The following ZMYM4 variants were observed in gnomAD, a reference collection of about 807,000 sequenced individuals.
ZMYM4 encodes the protein zinc finger MYM-type containing 4.
In ZMYM4, 31 loss-of-function variants were observed where a neutral mutation model predicts 183.2. That is an observed-to-expected ratio of 0.17 (90% CI 0.13 to 0.23). ZMYM4 has a LOEUF of 0.23. ZMYM4 is among the 10% of genes least tolerant of loss of function. ZMYM4 has a pLI of 1.00. For missense variants in ZMYM4, 1,273 were observed against 1,840.3 expected, an observed-to-expected ratio of 0.69 and a Z score of 5.64; for synonymous variants, 592 against 631.2, an observed-to-expected ratio of 0.94 and a Z score of 0.93.
chr1:35,351,154 T>C, intron 2 of ZMYM4: 1 of 1,177,772 alleles, frequency 8.5e-7, no homozygotes, highest in Non-Finnish European at 1.3e-6. Context: ...ACCTGCTATT[T>C]GGATGCAGAC....
At chr1:35,374,280 C>A (rs1208459608) in intron 7 of ZMYM4, among the ~76,000 whole-genome samples, 1 of 151,738 alleles carries the variant, frequency 6.6e-6, no homozygotes, top group South Asian at 2.1e-4. Context: ...ATGACCCACC[C>A]GCCTTGGCCT....
At chr1:35,383,953 A>G (rs1159759711) in intron 9 of ZMYM4, among the ~76,000 whole-genome samples, 1 of 149,736 alleles carries the variant, frequency 6.7e-6, no homozygotes, top group Non-Finnish European at 1.5e-5. Context: ...TTAGGATTAT[A>G]GAAAGTAAGA....
In ZMYM4 at chr1:35,314,268, C is replaced by T. The variant is rs190312416; in HGVS notation, c.40-11092C>T. Among the ~76,000 whole-genome samples, 5 of 151,770 alleles carry T rather than the reference C, an allele frequency of 3.3e-5. No individual in the cohort carries two copies. The East Asian group carries it at 9.7e-4, about 29-fold the overall frequency. ...AAAAACTATAGTTTATTTTTCTTTT[C>T]CCTCAAAAAAAAAATAGTTTACTCT... On this transcript the variant is annotated intron_variant, in intron 1 of 29. Transcript: ENST00000314607.
At chr1:35,382,169 TATATACACAC>T (rs947959350) in intron 9 of ZMYM4, among the ~76,000 whole-genome samples, 1 of 132,202 alleles carries the variant, frequency 7.6e-6, no homozygotes, top group African/African-American at 3.3e-5. Context: ...CAAAAATGTA[TATATACACAC>T]ATACACACAC....
chr1:35,405,360 C>G lies in ZMYM4; in HGVS notation c.3701-13C>G, dbSNP rs1273922590. 1.9e-6 allele frequency: 3 copies of G among 1,594,828 alleles called. No homozygotes were observed. The highest frequency in any genetic ancestry group is 2.6e-6 in the Non-Finnish European group (3 of 1,175,164). Reference sequence around the variant, plus strand: ...TTATTTAAACTTTTCTTTTATGTTTCTCTCCTTGTCAGGGGTTGAACAGGC... The same window carrying G: ...TTATTTAAACTTTTCTTTTATGTTTGTCTCCTTGTCAGGGGTTGAACAGGC... On this transcript the variant is annotated splice_polypyrimidine_tract_variant and intron_variant, in intron 24 of 29. Coordinates refer to ENST00000314607, the MANE Select transcript of ZMYM4 (RefSeq NM_005095.3).
chr1:35,280,478 C>T (rs1440099293), intron 1 of ZMYM4, among the ~76,000 whole-genome samples: 1 of 152,170 alleles, frequency 6.6e-6, no homozygotes, highest in East Asian at 1.9e-4. Flanking sequence ...ACTCCACTTC[C>T]ATGTACTAAA....
At chr1:35,307,155 T>A (rs545602265) in intron 1 of ZMYM4, among the ~76,000 whole-genome samples, 1 of 152,326 alleles carries the variant, frequency 6.6e-6, no homozygotes, top group East Asian at 1.9e-4. Flanking sequence ...TAATACTAAA[T>A]TATCTTTAAA....
intron 5 of ZMYM4, chr1:35,365,926 G>C (rs1644066405): frequency 6.6e-6 from 1 of 152,112 alleles, no homozygotes; most frequent in South Asian, 2.1e-4. Context: ...CAGTACTTAA[G>C]ATGTATACTA....
At chr1:35,274,615 T>TA (rs1557885740) in intron 1 of ZMYM4, among the ~76,000 whole-genome samples, 105 of 142,424 alleles carry the variant, frequency 7.4e-4, no homozygotes, top group Middle Eastern at 3.4e-3. Context: ...GTTTTTTTTT[T>TA]TAAAAAAAAA....
chr1:35,399,073 G>C, intron 22 of ZMYM4, 30 bp downstream of exon 22: 1 of 1,606,192 alleles, frequency 6.2e-7, no homozygotes, highest in Non-Finnish European at 8.5e-7. Context: ...TCCACTGAAA[G>C]CTTTTTATTT....
chr1:35,320,072 A>G (rs1642219105), intron 1 of ZMYM4, among the ~76,000 whole-genome samples: 2 of 152,230 alleles, frequency 1.3e-5, no homozygotes, highest in African/African-American at 4.8e-5. Context: ...TAGGAAATAC[A>G]TATTTGGTTT....
chr1:35,344,833 T>C (rs1022855186), intron 2 of ZMYM4, among the ~76,000 whole-genome samples: 1 of 152,216 alleles, frequency 6.6e-6, no homozygotes, highest in Non-Finnish European at 1.5e-5. Flanking sequence ...CCCAGGGCAA[T>C]ATTGGCCATA....
intron 25 of ZMYM4, among the ~76,000 whole-genome samples, chr1:35,407,434 A>C (rs1018174925): frequency 5.9e-5 from 9 of 152,138 alleles, no homozygotes; most frequent in Admixed American, 1.3e-4. Context: ...ATCTCAAAAA[A>C]AAAAAAAAAG....
At chr1:35,287,100 A>T (rs1640540023) in intron 1 of ZMYM4, among the ~76,000 whole-genome samples, 1 of 151,242 alleles carries the variant, frequency 6.6e-6, no homozygotes, top group South Asian at 2.1e-4. Context: ...TCCTTGTTTT[A>T]TGAGATGGCA....
chr1:35,328,968 A>G (rs1272623271), intron 2 of ZMYM4, among the ~76,000 whole-genome samples: 1 of 152,196 alleles, frequency 6.6e-6, no homozygotes, highest in African/African-American at 2.4e-5. Context: ...TGCTAGACCT[A>G]CCATCTACTC....
At chr1:35,306,968 A>T (rs915813868) in intron 1 of ZMYM4, among the ~76,000 whole-genome samples, 1 of 152,158 alleles carries the variant, frequency 6.6e-6, no homozygotes, top group Admixed American at 6.6e-5. Flanking sequence ...GAAATGCTTC[A>T]TTTTCAGATC....
chr1:35,361,485 T>C (rs1013589689), intron 4 of ZMYM4, 134 bp from the exon 5 acceptor site: 2 of 1,077,498 alleles, frequency 1.9e-6, no homozygotes, highest in East Asian at 5.3e-5. Context: ...CTTTTAGGCG[T>C]AGGCATAAGA....
chr1:35,398,544 G>T, intron 21 of ZMYM4, 78 bp downstream of exon 21: 3 of 1,289,878 alleles, frequency 2.3e-6, no homozygotes, highest in Non-Finnish European at 3.3e-6. Context: ...AGTACCCTTG[G>T]ATTTCATATT....
At chr1:35,322,863 T>G (rs1185177456) in intron 1 of ZMYM4, among the ~76,000 whole-genome samples, 1 of 151,772 alleles carries the variant, frequency 6.6e-6, no homozygotes, top group East Asian at 1.9e-4. Flanking sequence ...CTAATTTTTT[T>G]GTATCTTTAA....
Sources: allele counts gnomAD v4.1 joint callset (sites outside exome capture counted in the v4.1 genomes callset), GRCh38; gene constraint gnomAD v4.1.1; transcripts MANE v1.5; gene names NCBI Gene and HGNC (gene_info 2026-07-23, HGNC 2026-07-21).